WDR72: variants seen among roughly 807,000 people sequenced by gnomAD.
The protein encoded by WDR72 is WD repeat-containing protein 72.
WDR72 carries 120 observed loss-of-function variants against 124.2 expected under a neutral mutation model. The ratio of observed to expected loss-of-function variants is 0.97; its 90% confidence interval spans 0.83 to 1.12. WDR72 has a LOEUF of 1.12. Ranked by LOEUF, WDR72 falls within the 50% of genes most tolerant of loss-of-function variation. The probability of loss-of-function intolerance (pLI) is 0.00; values close to 1 mark genes in which losing one functional copy is unlikely to be tolerated. For missense variants in WDR72, 1,387 were observed against 1,278.8 expected, an observed-to-expected ratio of 1.08 and a Z score of -1.29; for synonymous variants, 452 against 441.7, an observed-to-expected ratio of 1.02 and a Z score of -0.29.
chr15:53,673,077 T>C (rs908903776), intron 13 of WDR72, among the ~76,000 whole-genome samples: 1 of 152,062 alleles, frequency 6.6e-6, no homozygotes, highest in African/African-American at 2.4e-5. Flanking sequence ...GACATGATCA[T>C]GCCACCGCAC....
chr15:53,669,380 G>C (rs757754878), intron 13 of WDR72, among the ~76,000 whole-genome samples: 16 of 152,084 alleles, frequency 1.1e-4, no homozygotes, highest in South Asian at 4.1e-4. Flanking sequence ...TTAGCCCTAG[G>C]GGGTGGAGGG....
At chr15:53,587,971 T>C (rs2012304917) in intron 18 of WDR72, among the ~76,000 whole-genome samples, 1 of 152,044 alleles carries the variant, frequency 6.6e-6, no homozygotes, top group South Asian at 2.1e-4. Context: ...CTTCAAATAC[T>C]TGTCAGCATT....
chr15:53,562,846 C>T (rs1335256483), intron 18 of WDR72, among the ~76,000 whole-genome samples: 3 of 151,690 alleles, frequency 2.0e-5, no homozygotes, highest in Non-Finnish European at 4.4e-5. Context: ...GTCAAATAAA[C>T]TTATATTATG....
chr15:53,517,758 G>T lies in WDR72; in HGVS notation c.3254-4C>A, dbSNP rs201463987. On this transcript the variant is annotated splice_region_variant and splice_polypyrimidine_tract_variant and intron_variant, in intron 19 of 19. Coordinates refer to ENST00000360509, the MANE Select transcript of WDR72 (RefSeq NM_182758.4). ...CATGAATGATGCCTTGGCTCACCTA[G>T]GAAAAAAGCAGATATCTTGGGTTAT... 2.8e-4 allele frequency: 452 copies of T among 1,611,542 alleles called. 1 individual carries two copies. The African/African-American group carries it at 5.4e-3, about 19-fold the overall frequency.
intron 18 of WDR72, among the ~76,000 whole-genome samples, chr15:53,594,446 A>G (rs2012665886): frequency 6.6e-6 from 1 of 152,036 alleles, no homozygotes; most frequent in African/African-American, 2.4e-5. Flanking sequence ...TAGGCTAAGG[A>G]AATCTGCCTA....
intron 1 of WDR72, among the ~76,000 whole-genome samples, chr15:53,738,911 A>G (rs993895768): frequency 6.6e-6 from 1 of 152,204 alleles, no homozygotes; most frequent in Non-Finnish European, 1.5e-5. Flanking sequence ...CCAGCCAGAA[A>G]ACACAGATTA....
In WDR72 at chr15:53,722,890, G is replaced by C. The variant is rs1197563611; in HGVS notation, c.172C>G (p.Leu58Val). ...GTTACCGAAGCTGAATGACCAAATAGGAGTTCTTTCGCTGAAATCTGAAAA... is the reference window on the plus strand; with the variant it reads ...GTTACCGAAGCTGAATGACCAAATACGAGTTCTTTCGCTGAAATCTGAAAA... Reference protein sequence around the residue: ...HELKISAKELLFGHSASVTCL... With the variant: ...HELKISAKELVFGHSASVTCL... Residue 58 changes from leucine (L) to valine (V), a missense_variant, in exon 3 of 20, where the codon CTA (leucine) becomes GTA (valine). Leu to Val is a conservative substitution (Grantham distance 32, BLOSUM62 1). Coordinates refer to ENST00000360509, the MANE Select transcript of WDR72 (RefSeq NM_182758.4). 6.2e-7 allele frequency: 1 copy of C among 1,613,956 alleles called. No homozygotes were observed. Among genetic ancestry groups the C allele is most frequent in the Non-Finnish European group, 8.5e-7 (1 of 1,179,996 alleles).
intron 18 of WDR72, among the ~76,000 whole-genome samples, chr15:53,552,164 A>C (rs34166780): frequency 0.014 from 2,188 of 151,668 alleles, 20 homozygotes; most frequent in Middle Eastern, 0.024. Context: ...TTATGTATGT[A>C]CTAGTATGTA....
intron 17 of WDR72, among the ~76,000 whole-genome samples, chr15:53,607,394 C>T (rs1011081834): frequency 6.6e-6 from 1 of 152,066 alleles, no homozygotes; most frequent in Non-Finnish European, 1.5e-5. Flanking sequence ...AACTCATTTT[C>T]GACAAAAGTG....
chr15:53,739,500 T>C (rs1431462429), intron 1 of WDR72, among the ~76,000 whole-genome samples: 3 of 152,228 alleles, frequency 2.0e-5, no homozygotes, highest in Non-Finnish European at 4.4e-5. Flanking sequence ...TAACTATTTC[T>C]AAGACAAGAG....
chr15:53,606,013 A>G (rs78094848), intron 17 of WDR72, among the ~76,000 whole-genome samples: 3,105 of 152,260 alleles, frequency 0.02, 110 homozygotes, highest in African/African-American at 0.072. Context: ...TCAGGCCAGT[A>G]GCAGAGATGA....
intron 13 of WDR72, among the ~76,000 whole-genome samples, chr15:53,696,543 T>A (rs550005742): frequency 5.6e-4 from 86 of 152,374 alleles, no homozygotes; most frequent in Middle Eastern, 3.4e-3. Context: ...TGAGCAAGTA[T>A]ATTCCATACC....
chr15:53,664,151 G>T (rs1005237042), intron 14 of WDR72, among the ~76,000 whole-genome samples: 4 of 152,048 alleles, frequency 2.6e-5, no homozygotes, highest in Non-Finnish European at 5.9e-5. Context: ...GAAAGCATTG[G>T]CTACATTCAA....
chr15:53,568,372 C>G (rs1894379086), intron 18 of WDR72, among the ~76,000 whole-genome samples: 3 of 151,782 alleles, frequency 2.0e-5, no homozygotes, highest in Admixed American at 2.0e-4. Context: ...TCTAACCAAT[C>G]TAATACTCAA....
intron 13 of WDR72, among the ~76,000 whole-genome samples, chr15:53,687,897 G>A (rs1258901499): frequency 1.3e-5 from 2 of 149,284 alleles, no homozygotes. Context: ...GGGATGCAAG[G>A]CTGGTTCAAT....
At chr15:53,567,972 G>T (rs1894361969) in intron 18 of WDR72, among the ~76,000 whole-genome samples, 2 of 147,902 alleles carry the variant, frequency 1.4e-5, no homozygotes, top group Non-Finnish European at 1.5e-5. Flanking sequence ...AACATTAATT[G>T]CATATCATCC....
intron 2 of WDR72, among the ~76,000 whole-genome samples, chr15:53,730,749 T>G (rs901189849): frequency 6.6e-6 from 1 of 152,186 alleles, no homozygotes; most frequent in Non-Finnish European, 1.5e-5. Context: ...GACTCCTTTT[T>G]TTCTACCCCT....
At chr15:53,666,984 C>A (rs2015800965) in intron 13 of WDR72, among the ~76,000 whole-genome samples, 1 of 152,184 alleles carries the variant, frequency 6.6e-6, no homozygotes, top group African/African-American at 2.4e-5. Flanking sequence ...AACATTTCTA[C>A]ATTCATAAAT....
intron 14 of WDR72, among the ~76,000 whole-genome samples, chr15:53,620,370 A>G (rs749051174): frequency 6.6e-6 from 1 of 152,000 alleles, no homozygotes; most frequent in African/African-American, 2.4e-5. Context: ...AAAATTGCAG[A>G]TTTCTTAAAA....
Sources: allele counts gnomAD v4.1 joint callset (sites outside exome capture counted in the v4.1 genomes callset), GRCh38; gene constraint gnomAD v4.1.1; transcripts MANE v1.5; gene names NCBI Gene and HGNC (gene_info 2026-07-23, HGNC 2026-07-21).